The following PRPF18 variants were observed in gnomAD, a reference collection of about 807,000 sequenced individuals.
PRPF18 encodes pre-mRNA processing factor 18.
PRPF18 carries 38 observed loss-of-function variants against 46.5 expected under a neutral mutation model. The observed-to-expected ratio is 0.82, with a 90% CI of 0.63 to 1.07. The LOEUF (loss-of-function observed/expected upper bound fraction) is 1.07, where lower values mean the gene tolerates loss of function less well. Ranked by LOEUF, PRPF18 falls within the 50% of genes least tolerant of loss-of-function variation. The probability of loss-of-function intolerance (pLI) is 0.00; values close to 1 mark genes in which losing one functional copy is unlikely to be tolerated. For missense variants in PRPF18, 263 were observed against 410.0 expected (o/e 0.64, Z 3.10); for synonymous variants, 152 against 146.7 (o/e 1.04, Z -0.26).
At chr10:13,598,836 G>C (rs2080068860) in intron 2 of PRPF18, among the ~76,000 whole-genome samples, 1 of 152,138 alleles carries the variant, frequency 6.6e-6, no homozygotes, top group Non-Finnish European at 1.5e-5. Context: ...GGCATTCCCA[G>C]ATTCTTAAAT....
the PRPF18 span, chr10:13,652,255 T>G: frequency 2.1e-6 from 1 of 473,360 alleles, no homozygotes; most frequent in East Asian, 3.9e-5. Flanking sequence ...AAAATTGCTG[T>G]TTTTCAAATT....
At chr10:13,649,981 C>G in the PRPF18 span, among the ~76,000 whole-genome samples, 1 of 152,208 alleles carries the variant, frequency 6.6e-6, no homozygotes, top group Non-Finnish European at 1.5e-5. Context: ...CCTGGGCAGT[C>G]TGGGTCACAG....
the PRPF18 span, among the ~76,000 whole-genome samples, chr10:13,636,341 C>T: frequency 6.6e-6 from 1 of 152,144 alleles, no homozygotes; most frequent in Non-Finnish European, 1.5e-5. Flanking sequence ...ATTGTGTGAG[C>T]CCAGGAGGTC....
chr10:13,644,367 T>A, the PRPF18 span: 1 of 152,230 alleles, frequency 6.6e-6, no homozygotes, highest in Non-Finnish European at 1.5e-5. Flanking sequence ...ACCACACTGA[T>A]CATTAATCAT....
rs1205716182 is a variant in PRPF18, at chr10:13,600,936, C to A, written c.249+588C>A. ...GGATTACAGGCGTGTGCCACCACAC[C>A]CAGCTAATTTTTTTTTGTATTTTTA... On this transcript the variant is annotated intron_variant, in intron 3 of 9. Transcript: ENST00000378572. Among the ~76,000 whole-genome samples the A allele has an allele frequency of 3.9e-5, 6 of 152,160 alleles. No individual in the cohort carries two copies. The East Asian group carries it at 9.7e-4, about 25-fold the overall frequency.
intron 9 of PRPF18, among the ~76,000 whole-genome samples, chr10:13,622,768 G>A (rs1480140695): frequency 1.3e-5 from 2 of 152,168 alleles, no homozygotes; most frequent in East Asian, 1.9e-4. Flanking sequence ...AATACTTACA[G>A]TGGGCTTCTT....
chr10:13,605,921 T>C (rs555179745), intron 4 of PRPF18, among the ~76,000 whole-genome samples, 177 bp downstream of exon 4: 2 of 152,340 alleles, frequency 1.3e-5, no homozygotes, highest in Admixed American at 1.3e-4. Flanking sequence ...TAACATTTAA[T>C]GCATTTTGAC....
the PRPF18 span, chr10:13,654,231 GCA>G: frequency 1.6e-6 from 1 of 618,824 alleles, no homozygotes; most frequent in South Asian, 1.9e-5. Context: ...CTCTATAAAG[GCA>G]CAGCCAGGAA....
chr10:13,654,399 A>T, the PRPF18 span: 1 of 1,523,448 alleles, frequency 6.6e-7, no homozygotes, highest in South Asian at 1.1e-5. Flanking sequence ...AGTGAAGAAC[A>T]TAGAAGGAGA....
intron 8 of PRPF18, among the ~76,000 whole-genome samples, 173 bp from the exon 9 acceptor site, chr10:13,616,225 G>C (rs759207181): frequency 2.0e-5 from 3 of 152,166 alleles, no homozygotes; most frequent in Non-Finnish European, 4.4e-5. Context: ...AGGGCAGTCT[G>C]TTACCCTGTA....
intron 6 of PRPF18, among the ~76,000 whole-genome samples, 186 bp downstream of exon 6, chr10:13,611,869 C>A (rs952757340): frequency 6.7e-5 from 10 of 148,684 alleles, no homozygotes; most frequent in African/African-American, 2.5e-4. Context: ...TGCATATTTA[C>A]TTTTCTTGTG....
At chr10:13,610,688 C>G (rs2080257390) in intron 5 of PRPF18, among the ~76,000 whole-genome samples, 1 of 152,164 alleles carries the variant, frequency 6.6e-6, no homozygotes, top group Non-Finnish European at 1.5e-5. Context: ...CCAGCTCTCT[C>G]CTACCACAAA....
rs1481679440 is a variant in PRPF18 at position 13,597,505 on chromosome 10, G to A, written c.114G>A (p.Glu38=). The A allele has an allele frequency of 1.9e-6, 3 of 1,610,202 alleles. No homozygotes were observed. In the Admixed American group the frequency reaches 5.0e-5, roughly 27 times the overall value. Residue 38 remains glutamate, a synonymous_variant, in exon 2 of 10, where the codon GAG becomes GAA. Transcript: ENST00000378572. ...GTAGTGAGCTCGCCAAAAAAGAAGA[G>A]GAAGCATATTTTGAAAGATGTGGCT... ...FKRSELAKKE[E]EAYFERCGYK...
intron 3 of PRPF18, among the ~76,000 whole-genome samples, chr10:13,603,065 T>C (rs2133421738): frequency 6.6e-6 from 1 of 152,336 alleles, no homozygotes; most frequent in African/African-American, 2.4e-5. Context: ...ATTGAAAAGC[T>C]TGAGTTAAAA....
intron 4 of PRPF18, among the ~76,000 whole-genome samples, chr10:13,609,733 T>A (rs942048471): frequency 2.0e-5 from 3 of 152,220 alleles, no homozygotes; most frequent in Non-Finnish European, 4.4e-5. Flanking sequence ...CTAAGCCTCA[T>A]TAGAAAATTA....
chr10:13,640,347 C>T, the PRPF18 span: 33 of 152,200 alleles, frequency 2.2e-4, no homozygotes, highest in African/African-American at 7.2e-4. Flanking sequence ...GGTCTTGGTC[C>T]GAGATATAAT....
intron 1 of PRPF18, among the ~76,000 whole-genome samples, chr10:13,593,983 A>C (rs2502217): frequency 0.02 from 3,025 of 152,328 alleles, 115 homozygotes; most frequent in African/African-American, 0.069. Context: ...GGTTTTTGCC[A>C]GCATTGTTTT....
chr10:13,639,510 A>G, the PRPF18 span: 1 of 113,146 alleles, frequency 8.8e-6, no homozygotes, highest in Non-Finnish European at 2.0e-5. Flanking sequence ...ACGTTACACT[A>G]ACGTGGGCCA....
In PRPF18 at chr10:13,611,737, T is replaced by C. The variant is rs2080271829; in HGVS notation, c.579+54T>C. The C allele has an allele frequency of 2.0e-6, 3 of 1,521,560 alleles. No homozygotes were observed. The Admixed American group carries it at 5.4e-5, about 27-fold the overall frequency. The allele number at this position is 1,521,560 out of a possible 1,614,324, so 94.3% of individuals were successfully genotyped here. A position where few individuals can be genotyped will look rare whatever the true frequency, so the allele number is the denominator to read the frequency against. ...TGCCTTGGATCCTTATGAACTATTC[T>C]TATATTTTTGGATTACCAAGGGTTA... is the stretch of plus-strand genomic sequence containing the variant. On this transcript the variant is annotated intron_variant, in intron 6 of 9. Coordinates refer to ENST00000378572, the MANE Select transcript of PRPF18 (RefSeq NM_003675.4).
Sources: gnomAD v4.1 joint callset for allele counts (sites outside exome capture counted in the v4.1 genomes callset) on GRCh38, gnomAD v4.1.1 for gene constraint, MANE v1.5 for transcripts, NCBI Gene and HGNC (gene_info 2026-07-23, HGNC 2026-07-21) for gene names.